NUP210L: variants seen among roughly 807,000 people sequenced by gnomAD.
NUP210L encodes nuclear pore membrane glycoprotein 210-like.
In NUP210L, 74 loss-of-function variants were observed where a neutral mutation model predicts 208.5. The ratio of observed to expected loss-of-function variants is 0.35; its 90% confidence interval spans 0.29 to 0.43. The LOEUF (loss-of-function observed/expected upper bound fraction) is 0.43, where lower values mean the gene tolerates loss of function less well. Ranked by LOEUF, NUP210L falls within the 20% of genes least tolerant of loss-of-function variation. NUP210L has a pLI of 1.00. For missense variants in NUP210L, 1,843 were observed against 2,289.4 expected (o/e 0.81, Z 3.98); for synonymous variants, 780 against 816.9 (o/e 0.95, Z 0.77).
intron 14 of NUP210L, among the ~76,000 whole-genome samples, chr1:154,095,820 G>A (rs1405924465): frequency 1.3e-5 from 2 of 152,150 alleles, no homozygotes; most frequent in African/African-American, 4.8e-5. Flanking sequence ...AGACAAGATA[G>A]GTATTACTCA....
At chr1:154,013,506 G>A (rs1159076081) in intron 33 of NUP210L, among the ~76,000 whole-genome samples, 1 of 151,828 alleles carries the variant, frequency 6.6e-6, no homozygotes, top group African/African-American at 2.4e-5. Flanking sequence ...CTCGGGAGGC[G>A]GAGTCTGCAG....
chr1:154,059,691 T>C (rs1415321200), intron 20 of NUP210L, among the ~76,000 whole-genome samples: 3 of 152,190 alleles, frequency 2.0e-5, no homozygotes, highest in African/African-American at 7.2e-5. Flanking sequence ...GTTTTTTCTT[T>C]CTTTGTGCTA....
At chr1:154,123,866 A>G (rs1297726912) in intron 10 of NUP210L, among the ~76,000 whole-genome samples, 1 of 149,478 alleles carries the variant, frequency 6.7e-6, no homozygotes, top group African/African-American at 2.5e-5. Context: ...TGACAGAGTG[A>G]GACTGTCTCA....
intron 34 of NUP210L, among the ~76,000 whole-genome samples, chr1:154,012,040 A>G (rs926862724): frequency 9.9e-5 from 15 of 152,158 alleles, no homozygotes; most frequent in Admixed American, 9.8e-4. Flanking sequence ...CTAGAAAGAC[A>G]ATAGTGACTA....
intron 32 of NUP210L, 100 bp downstream of exon 32, chr1:154,022,026 T>A (rs78345899): frequency 9.2e-7 from 1 of 1,083,808 alleles, no homozygotes; most frequent in African/African-American, 1.5e-5. Context: ...TAAACCACTA[T>A]ACCAGTCCAA....
At chr1:154,079,909 TAAAG>T (rs760570086) in intron 16 of NUP210L, 1 of 152,274 alleles carries the variant, frequency 6.6e-6, no homozygotes, top group Non-Finnish European at 1.5e-5. Context: ...TTGGTATTTA[TAAAG>T]AAAGCTCACA....
rs775208693 is a variant in NUP210L at position 154,054,268 on chromosome 1, G to A, written c.3443C>T (p.Thr1148Ile). 3.1e-6 allele frequency: 5 copies of A among 1,614,044 alleles called. No individual in the cohort carries two copies. The highest frequency in any genetic ancestry group is 3.4e-6 in the Non-Finnish European group (4 of 1,180,040). ...GACTTTGCCAGTATCTTCATTTACT[G>A]TCTGGATGGTGCCATGAACCACAGC... The change falls in exon 25 of 40, where the codon ACA becomes ATA. Residue 1148 changes from threonine to isoleucine, a missense_variant. This residue lies in a region of NUP210L where 781 missense variants were observed against 973.8 expected (regional missense o/e 0.80). Coordinates refer to ENST00000368559, the Ensembl canonical transcript of NUP210L.
intron 33 of NUP210L, among the ~76,000 whole-genome samples, chr1:154,012,731 C>T (rs1013829602): frequency 8.6e-5 from 13 of 151,204 alleles, no homozygotes; most frequent in Admixed American, 2.6e-4. Context: ...GTCAGCCGCG[C>T]GCGGTGGCTC....
chr1:154,130,263 C>A (rs988787354), intron 7 of NUP210L, among the ~76,000 whole-genome samples: 3 of 151,960 alleles, frequency 2.0e-5, no homozygotes, highest in African/African-American at 7.2e-5. Flanking sequence ...TGCTTGAACC[C>A]AGGAGGCAGA....
intron 16 of NUP210L, among the ~76,000 whole-genome samples, chr1:154,081,610 G>A (rs946160973): frequency 3.9e-5 from 6 of 152,206 alleles, no homozygotes; most frequent in African/African-American, 1.2e-4. Flanking sequence ...GAGGGCTGGT[G>A]ATGGAGTTTA....
exon 32 of NUP210L, chr1:154,022,216 C>G (rs756295357): frequency 6.2e-7 from 1 of 1,614,100 alleles, no homozygotes; most frequent in Non-Finnish European, 8.5e-7. Flanking sequence ...TCTACAGCAA[C>G]AGGAATATAA....
At chr1:154,013,242 C>T (rs958936419) in intron 33 of NUP210L, among the ~76,000 whole-genome samples, 2 of 152,012 alleles carry the variant, frequency 1.3e-5, no homozygotes, top group Middle Eastern at 3.2e-3. Context: ...TCCAATTATT[C>T]CTTCAGACAT....
At chr1:154,099,309 A>G (rs1243166978) in intron 14 of NUP210L, among the ~76,000 whole-genome samples, 1 of 151,996 alleles carries the variant, frequency 6.6e-6, no homozygotes, top group Non-Finnish European at 1.5e-5. Context: ...GCACCCAGGG[A>G]GCTCCCGCCC....
intron 32 of NUP210L, among the ~76,000 whole-genome samples, chr1:154,020,008 G>A: frequency 6.6e-6 from 1 of 152,202 alleles, no homozygotes; most frequent in East Asian, 1.9e-4. Context: ...TCAGGGGATT[G>A]TAACTCTCAT....
At chr1:154,018,615 T>C (rs1223240405) in intron 33 of NUP210L, among the ~76,000 whole-genome samples, 1 of 152,170 alleles carries the variant, frequency 6.6e-6, no homozygotes, top group African/African-American at 2.4e-5. Context: ...TCACCTCCTC[T>C]GTCACCACCC....
At chr1:154,047,960 C>T (rs1482561737) in intron 25 of NUP210L, among the ~76,000 whole-genome samples, 3 of 152,122 alleles carry the variant, frequency 2.0e-5, no homozygotes, top group Non-Finnish European at 4.4e-5. Flanking sequence ...TAAGCAATCC[C>T]TGTGGTGAGT....
chr1:154,138,565 A>C lies in NUP210L; in HGVS notation c.718-327T>G, dbSNP rs78989359. Among the ~76,000 whole-genome samples, 35 of 152,330 alleles carry C rather than the reference A, an allele frequency of 2.3e-4. No homozygotes were observed. The East Asian group carries it at 6.7e-3, about 29-fold the overall frequency. On this transcript the variant is annotated intron_variant, in intron 5 of 39. Coordinates refer to ENST00000368559, the Ensembl canonical transcript of NUP210L. ...GTAGAACACAGAAATTCTTTTAGCC[A>C]ACCTCCAATTAACTGACTTGCCAGA...
chr1:154,136,919 C>CA (rs11374907), intron 6 of NUP210L, among the ~76,000 whole-genome samples: 30,961 of 62,878 alleles, frequency 0.49, 8,990 homozygotes, highest in Non-Finnish European at 0.52. Context: ...GAATCCATCT[C>CA]AAAAAAAAAA....
chr1:154,041,674 A>G (rs927969271), intron 27 of NUP210L, among the ~76,000 whole-genome samples: 2 of 152,128 alleles, frequency 1.3e-5, no homozygotes, highest in Non-Finnish European at 2.9e-5. Flanking sequence ...AAGAAAAAAA[A>G]ACTGGCTGAC....
Sources: gnomAD v4.1 joint callset for allele counts (sites outside exome capture counted in the v4.1 genomes callset) on GRCh38, gnomAD v4.1.1 for gene constraint, gnomAD v4.1.1 regional missense constraint, MANE v1.5 for transcripts, NCBI Gene and HGNC (gene_info 2026-07-23, HGNC 2026-07-21) for gene names.